The following PCDH9 variants were observed in gnomAD, a reference collection of about 807,000 sequenced individuals.
PCDH9 encodes protocadherin-9.
PCDH9 carries 24 observed loss-of-function variants against 70.6 expected under a neutral mutation model. The ratio of observed to expected loss-of-function variants is 0.34; its 90% CI spans 0.25 to 0.48. The LOEUF (loss-of-function observed/expected upper bound fraction) is 0.48. PCDH9 is among the 20% of genes least tolerant of loss of function. The probability of loss-of-function intolerance (pLI) is 0.99; values close to 1 mark genes in which losing one functional copy is unlikely to be tolerated. For synonymous variants in PCDH9, 562 were observed against 558.5 expected (o/e 1.01, Z -0.09); for missense variants, 1,281 against 1,503.6 (o/e 0.85, Z 2.45).
At chr13:66,516,812 T>C (rs1959759038) in intron 4 of PCDH9, among the ~76,000 whole-genome samples, 1 of 152,072 alleles carries the variant, frequency 6.6e-6, no homozygotes, top group South Asian at 2.1e-4. Context: ...CATAATCAAA[T>C]TTGTCCTCCT....
At chr13:66,717,020 C>A (rs905084685) in intron 3 of PCDH9, among the ~76,000 whole-genome samples, 4 of 152,058 alleles carry the variant, frequency 2.6e-5, no homozygotes, top group African/African-American at 9.7e-5. Flanking sequence ...AGCTATTTTT[C>A]AAATCACAGT....
intron 2 of PCDH9, among the ~76,000 whole-genome samples, chr13:66,995,031 C>T (rs552343593): frequency 1.3e-5 from 2 of 152,264 alleles, no homozygotes; most frequent in African/African-American, 4.8e-5. Flanking sequence ...GCCTTGTCAC[C>T]CACGCACTTG....
chr13:66,745,426 C>T (rs887296146), intron 3 of PCDH9, among the ~76,000 whole-genome samples: 8 of 152,114 alleles, frequency 5.3e-5, no homozygotes, highest in African/African-American at 9.7e-5. Context: ...TGGTAAATTG[C>T]GCCTGACCAG....
intron 3 of PCDH9, among the ~76,000 whole-genome samples, chr13:66,722,629 C>T (rs2078956059): frequency 6.6e-6 from 1 of 151,852 alleles, no homozygotes; most frequent in African/African-American, 2.4e-5. Flanking sequence ...AGTGGGGTAG[C>T]CATTTTCTTC....
intron 2 of PCDH9, among the ~76,000 whole-genome samples, chr13:66,921,445 T>A (rs1279495408): frequency 2.0e-5 from 3 of 151,188 alleles, no homozygotes; most frequent in Non-Finnish European, 4.5e-5. Context: ...CTTATCCAGT[T>A]GACAAAACTA....
chr13:67,089,836 T>C (rs2086181922), intron 2 of PCDH9, among the ~76,000 whole-genome samples: 2 of 152,012 alleles, frequency 1.3e-5, no homozygotes, highest in African/African-American at 4.8e-5. Context: ...ATAGAGATTC[T>C]ATATGTGGTG....
At chr13:67,074,877 T>C (rs1317076853) in intron 2 of PCDH9, among the ~76,000 whole-genome samples, 3 of 152,120 alleles carry the variant, frequency 2.0e-5, no homozygotes, top group Admixed American at 2.0e-4. Context: ...CCTCAATATA[T>C]ATTAGTTTAT....
chr13:67,136,991 T>A (rs1241080597), intron 2 of PCDH9, among the ~76,000 whole-genome samples: 10 of 151,988 alleles, frequency 6.6e-5, no homozygotes, highest in Middle Eastern at 3.2e-3. Context: ...TAGGTTTATC[T>A]CTTGTAGATA....
chr13:66,477,312 T>C (rs1329394983), intron 4 of PCDH9, among the ~76,000 whole-genome samples: 1 of 152,176 alleles, frequency 6.6e-6, no homozygotes, highest in Non-Finnish European at 1.5e-5. Context: ...TGAATAATAA[T>C]ATCTAATTAA....
intron 2 of PCDH9, among the ~76,000 whole-genome samples, chr13:66,936,581 C>T (rs2082919389): frequency 6.6e-6 from 1 of 152,030 alleles, no homozygotes; most frequent in African/African-American, 2.4e-5. Flanking sequence ...TAAGATGGTG[C>T]GTGGAAACAA....
intron 4 of PCDH9, among the ~76,000 whole-genome samples, chr13:66,574,294 C>T (rs1454271578): frequency 6.6e-6 from 1 of 152,188 alleles, no homozygotes; most frequent in African/African-American, 2.4e-5. Flanking sequence ...TCAGTCTCCT[C>T]AAATCTGTTT....
intron 3 of PCDH9, among the ~76,000 whole-genome samples, chr13:66,665,344 C>T (rs538137675): frequency 1.1e-4 from 17 of 152,018 alleles, no homozygotes; most frequent in South Asian, 6.2e-4. Flanking sequence ...GGTGATCCAC[C>T]GCCTCGGCCT....
intron 3 of PCDH9, among the ~76,000 whole-genome samples, chr13:66,743,766 T>C (rs1296674323): frequency 2.0e-5 from 3 of 152,154 alleles, no homozygotes. Flanking sequence ...ACATACAATT[T>C]TAGTCGTAAA....
chr13:66,457,247 C>T (rs981510418), intron 4 of PCDH9, among the ~76,000 whole-genome samples: 3 of 151,996 alleles, frequency 2.0e-5, no homozygotes, highest in African/African-American at 7.2e-5. Flanking sequence ...GAATGCATCT[C>T]CAGCTTTCCT....
chr13:66,769,786 T>C (rs778617632), intron 3 of PCDH9, among the ~76,000 whole-genome samples: 3 of 152,124 alleles, frequency 2.0e-5, no homozygotes, highest in Non-Finnish European at 4.4e-5. Context: ...ACCTCATTGA[T>C]CATTTATCTG....
chr13:66,585,184 A>T (rs2076946079), intron 4 of PCDH9, among the ~76,000 whole-genome samples: 1 of 152,064 alleles, frequency 6.6e-6, no homozygotes, highest in South Asian at 2.1e-4. Context: ...TGGTGCATGC[A>T]TTTATTTATT....
chr13:66,794,222 G>A (rs916010973), intron 3 of PCDH9, among the ~76,000 whole-genome samples: 3 of 151,948 alleles, frequency 2.0e-5, no homozygotes, highest in African/African-American at 4.8e-5. Context: ...CAGGCATCTG[G>A]GTCTAATTAG....
chr13:66,763,358 C>A (rs373341483), intron 3 of PCDH9, among the ~76,000 whole-genome samples: 16 of 151,772 alleles, frequency 1.1e-4, no homozygotes, highest in African/African-American at 3.6e-4. Flanking sequence ...AAATAAAAGA[C>A]AATATTTAAC....
intron 2 of PCDH9, among the ~76,000 whole-genome samples, chr13:67,180,374 A>G (rs1054251139): frequency 2.0e-5 from 3 of 152,012 alleles, no homozygotes; most frequent in Admixed American, 6.6e-5. Context: ...TATAAGTATT[A>G]TGAGTCAAAG....
Sources: gnomAD v4.1 joint callset for allele counts (sites outside exome capture counted in the v4.1 genomes callset) on GRCh38, gnomAD v4.1.1 for gene constraint, MANE v1.5 for transcripts, NCBI Gene and HGNC (gene_info 2026-07-23, HGNC 2026-07-21) for gene names.